PCDHGB2: variants seen among roughly 807,000 people sequenced by gnomAD.
PCDHGB2 encodes the protein protocadherin gamma-B2.
PCDHGB2 carries 55 observed loss-of-function variants against 59.3 expected under a neutral mutation model. The ratio of observed to expected loss-of-function variants is 0.93; its 90% CI spans 0.75 to 1.16. The LOEUF (loss-of-function observed/expected upper bound fraction) is 1.16. Among genes scored for constraint, PCDHGB2 ranks in the 50% most tolerant of loss-of-function variants. The pLI, the probability that PCDHGB2 is intolerant of heterozygous loss-of-function variation, is 0.00. For synonymous variants in PCDHGB2, 516 were observed against 512.0 expected (o/e 1.01, Z -0.11); for missense variants, 1,228 against 1,198.5 (o/e 1.02, Z -0.36).
At chr5:141,367,000 T>G (rs990183992) in intron 1 of PCDHGB2, 4 of 452,734 alleles carry the variant, frequency 8.8e-6, no homozygotes, top group Non-Finnish European at 1.5e-5. Context: ...AATATAATCA[T>G]TTTACCCAAA....
intron 1 of PCDHGB2, chr5:141,394,616 C>G: frequency 6.2e-7 from 1 of 1,613,490 alleles, no homozygotes; most frequent in Non-Finnish European, 8.5e-7. Flanking sequence ...CGGGCCAGAA[C>G]GCCTGGCTGT....
At chr5:141,495,480 C>A (rs2099761689) in intron 2 of PCDHGB2, among the ~76,000 whole-genome samples, 1 of 152,208 alleles carries the variant, frequency 6.6e-6, no homozygotes, top group African/African-American at 2.4e-5. Flanking sequence ...CGTGTCTCTG[C>A]CCCTTTTTCT....
rs374202401 is a variant in PCDHGB2, at chr5:141,360,323, C to A, written c.188C>A (p.Ala63Asp). 3.1e-6 allele frequency: 5 copies of A among 1,613,798 alleles called. No homozygotes were observed. In the African/African-American group the frequency reaches 6.7e-5, roughly 22 times the overall value. ...DLGLSVRDLP[A>D]RKLRVSAEKE... is the part of the protein sequence containing the mutation. ...GGGCTCAGCGTCCGGGACTTGCCAGCCCGGAAGCTGCGGGTTAGCGCGGAG... is the reference window on the plus strand; with the variant it reads ...GGGCTCAGCGTCCGGGACTTGCCAGACCGGAAGCTGCGGGTTAGCGCGGAG... The change falls in exon 1 of 4, where the codon GCC becomes GAC. Residue 63 changes from alanine (A) to aspartate (D), a missense_variant. This residue lies in a region of PCDHGB2 where 781 missense variants were observed against 721.6 expected (regional missense o/e 1.08). Transcript: ENST00000522605.
chr5:141,426,086 G>A (rs751467304), intron 1 of PCDHGB2, among the ~76,000 whole-genome samples: 5 of 152,218 alleles, frequency 3.3e-5, no homozygotes, highest in Non-Finnish European at 7.3e-5. Context: ...CTACCAGGAC[G>A]ATATTCTGTT....
Position 141,490,602 on chromosome 5 carries a change from C to G in PCDHGB2, c.2422-4205C>G, listed in dbSNP as rs1249440194. On this transcript the variant is annotated intron_variant, in intron 1 of 3. Transcript: ENST00000522605. This position sits in a 1 kb window ranked among gnomAD's most constrained non-coding sequence, Gnocchi z 5.4. Reference sequence around the variant, plus strand: ...ATGTCAATGACAATGCACCCCGCTTCAACCAGCAGCTTTACACTGCTTACA... The same window carrying G: ...ATGTCAATGACAATGCACCCCGCTTGAACCAGCAGCTTTACACTGCTTACA... The G allele has an allele frequency of 6.2e-7, 1 of 1,614,084 alleles. No individual in the cohort carries two copies. Among genetic ancestry groups the G allele is most frequent in the African/African-American group, 1.3e-5 (1 of 74,930 alleles).
At chr5:141,400,301 C>T in intron 1 of PCDHGB2, 3 of 1,614,084 alleles carry the variant, frequency 1.9e-6, no homozygotes, top group Non-Finnish European at 2.5e-6. Flanking sequence ...TGCTTCCAAC[C>T]TGGTCTCTGT....
At chr5:141,380,386 G>A (rs1776453740) in intron 1 of PCDHGB2, among the ~76,000 whole-genome samples, 1 of 152,168 alleles carries the variant, frequency 6.6e-6, no homozygotes. Flanking sequence ...AAAAAGAAAA[G>A]AGAGAAGATA....
chr5:141,401,171 G>T (rs1222326375), intron 1 of PCDHGB2, among the ~76,000 whole-genome samples: 1 of 152,054 alleles, frequency 6.6e-6, no homozygotes, highest in African/African-American at 2.4e-5. Flanking sequence ...GTGAAAACCC[G>T]TCTCTACTAA....
chr5:141,383,276 T>G lies in PCDHGB2; in HGVS notation c.2421+20720T>G, dbSNP rs550293015. The G allele has an allele frequency of 3.8e-5, 61 of 1,613,822 alleles. No homozygotes were observed. The highest frequency in any genetic ancestry group is 5.1e-5 in the Non-Finnish European group (60 of 1,179,878). Reference sequence around the variant, plus strand: ...CCTATAGACGTGGAAATAATAGATATTAATGACAACGTTCCAAGATTCTTG... The same window carrying G: ...CCTATAGACGTGGAAATAATAGATAGTAATGACAACGTTCCAAGATTCTTG... On this transcript the variant is annotated intron_variant, in intron 1 of 3. Transcript: ENST00000522605.
chr5:141,381,828 T>TTC (rs1777612038), intron 1 of PCDHGB2, among the ~76,000 whole-genome samples: 1 of 112,014 alleles, frequency 8.9e-6, no homozygotes, highest in Non-Finnish European at 1.8e-5. Context: ...TTCTTCTTCT[T>TTC]TTTTTTTTTT....
chr5:141,468,801 A>G (rs949203275), intron 1 of PCDHGB2, among the ~76,000 whole-genome samples: 15 of 151,736 alleles, frequency 9.9e-5, no homozygotes, highest in South Asian at 2.1e-4. Context: ...GGGAGGCGGA[A>G]CTTGCAGTGA....
intron 1 of PCDHGB2, chr5:141,366,265 C>A: frequency 6.2e-7 from 1 of 1,613,684 alleles, no homozygotes; most frequent in Non-Finnish European, 8.5e-7. Context: ...TCGTGGTGGC[C>A]GTCGAAGACC....
rs757876687 is a variant in PCDHGB2 at position 141,413,273 on chromosome 5, G to A, written c.2421+50717G>A. On this transcript the variant is annotated intron_variant, in intron 1 of 3. Coordinates refer to ENST00000522605, the MANE Select transcript of PCDHGB2 (RefSeq NM_018923.3). The stretch of plus-strand genomic sequence containing the variant: ...GGGATTCCATGGGAGGCTGGAGCCC[G>A]GCAGATCTCCTACTCAATTCCTGAG... 4.3e-6 allele frequency: 7 copies of A among 1,613,920 alleles called. No homozygotes were observed. The highest frequency in any genetic ancestry group is 5.9e-6 in the Non-Finnish European group (7 of 1,179,902).
Position 141,486,443 on chromosome 5 carries a change from A to G in PCDHGB2, c.2422-8364A>G, listed in dbSNP as rs747419698. Reference sequence around the variant, plus strand: ...AGAGGCCAAATCTAGCTATGACATCATGGTCACTGCTTCTGATGCTGGGAA... The same window carrying G: ...AGAGGCCAAATCTAGCTATGACATCGTGGTCACTGCTTCTGATGCTGGGAA... On this transcript the variant is annotated intron_variant, in intron 1 of 3. Transcript: ENST00000522605. The surrounding 1 kb of genome is among the most constrained non-coding windows in gnomAD (Gnocchi z 5.0). The G allele has an allele frequency of 1.9e-6, 3 of 1,614,060 alleles. No individual in the cohort carries two copies. Among genetic ancestry groups the G allele is most frequent in the South Asian group, 2.2e-5 (2 of 91,080 alleles).
In PCDHGB2 at chr5:141,451,935, A is replaced by G. The variant is rs148815534; in HGVS notation, c.2422-42872A>G. Among the ~76,000 whole-genome samples, 120 of 152,282 alleles carry G rather than the reference A, an allele frequency of 7.9e-4. 5 individuals carry two copies. The East Asian group carries it at 0.017, about 21-fold the overall frequency. ...GAGGAAGGAAGGGAGGTAGGGAGGC[A>G]GGGAAAGACCGAGAAAGTGACATAC... On this transcript the variant is annotated intron_variant, in intron 1 of 3. Coordinates refer to ENST00000522605, the MANE Select transcript of PCDHGB2 (RefSeq NM_018923.3).
rs746539261 is a variant in PCDHGB2, at chr5:141,415,336, C to A, written c.2421+52780C>A. On this transcript the variant is annotated intron_variant, in intron 1 of 3. Transcript: ENST00000522605. ...CATCGTGCTGCTGGCGCACAGGCTG[C>A]GGCGCTGGCACAAGTCACGCCTGCT... 7 of 1,614,200 alleles carry A rather than the reference C, an allele frequency of 4.3e-6. 1 individual carries two copies. The South Asian group carries it at 7.7e-5, about 18-fold the overall frequency.
chr5:141,395,407 G>A (rs1467176036), intron 1 of PCDHGB2: 1 of 826,654 alleles, frequency 1.2e-6, no homozygotes, highest in Non-Finnish European at 1.8e-6. Context: ...ATAGTCATAG[G>A]TTATTGTTTC....
Position 141,486,255 on chromosome 5 carries a change from A to G in PCDHGB2, c.2422-8552A>G. 1 of 1,614,028 alleles carries G rather than the reference A, an allele frequency of 6.2e-7. No homozygotes were observed. Reference sequence around the variant, plus strand: ...ACCTCAGAGCTTGGAACCCTCCCCGAGAGTGCAGAACCTGGCACTGTGGTG... The same window carrying G: ...ACCTCAGAGCTTGGAACCCTCCCCGGGAGTGCAGAACCTGGCACTGTGGTG... On this transcript the variant is annotated intron_variant, in intron 1 of 3. Coordinates refer to ENST00000522605, the MANE Select transcript of PCDHGB2 (RefSeq NM_018923.3). This position sits in a 1 kb window ranked among gnomAD's most constrained non-coding sequence, Gnocchi z 5.0.
intron 1 of PCDHGB2, among the ~76,000 whole-genome samples, chr5:141,406,812 T>G (rs528041804): frequency 6.6e-6 from 1 of 152,350 alleles, no homozygotes; most frequent in East Asian, 1.9e-4. Context: ...CTCCAACTTT[T>G]GAGTCTAGAA....
Sources: gnomAD v4.1 joint callset for allele counts (sites outside exome capture counted in the v4.1 genomes callset) on GRCh38, gnomAD v4.1.1 for gene constraint, gnomAD v4.1.1 regional missense constraint, Gnocchi (gnomAD v3.1) non-coding constraint, MANE v1.5 for transcripts, NCBI Gene and HGNC (gene_info 2026-07-23, HGNC 2026-07-21) for gene names.